Variants in RNFT2 observed in about 807,000 individuals in gnomAD.
RNFT2 encodes the protein ring finger protein, transmembrane 2, also known as E3 ubiquitin-protein ligase RNFT2.
RNFT2 carries 36 observed loss-of-function variants against 53.0 expected under a neutral mutation model. That is an observed-to-expected ratio of 0.68 (90% CI 0.52 to 0.90). RNFT2 has a LOEUF of 0.90. RNFT2 is among the 40% of genes least tolerant of loss of function. RNFT2 has a pLI of 0.00. For synonymous variants in RNFT2, 260 were observed against 253.2 expected, an observed-to-expected ratio of 1.03 and a Z score of -0.26; for missense variants, 514 against 585.6, an observed-to-expected ratio of 0.88 and a Z score of 1.26.
chr12:116,838,465 A>T (rs977338747), intron 10 of RNFT2, among the ~76,000 whole-genome samples: 1 of 152,204 alleles, frequency 6.6e-6, no homozygotes, highest in African/African-American at 2.4e-5. Flanking sequence ...AGTTATTGCT[A>T]AACTGCCCTC....
intron 10 of RNFT2, among the ~76,000 whole-genome samples, chr12:116,841,950 TATATATATAG>T (rs1877351939): frequency 2.3e-4 from 5 of 22,022 alleles, no homozygotes; most frequent in South Asian, 1.4e-3. Flanking sequence ...TATATATAAA[TATATATATAG>T]AGAGAGAGAG....
At chr12:116,825,238 C>G (rs1384658056) in intron 7 of RNFT2, among the ~76,000 whole-genome samples, 1 of 152,190 alleles carries the variant, frequency 6.6e-6, no homozygotes, top group Non-Finnish European at 1.5e-5. Context: ...CTCCTTATAG[C>G]TTGGGCTTCC....
intron 8 of RNFT2, 67 bp from the exon 9 acceptor site, chr12:116,835,893 G>C: frequency 6.4e-7 from 1 of 1,551,632 alleles, no homozygotes; most frequent in Non-Finnish European, 8.9e-7. Flanking sequence ...GATGGGGTGG[G>C]GTGATTGTGC....
intron 5 of RNFT2, among the ~76,000 whole-genome samples, chr12:116,762,064 CAA>C (rs796440574): frequency 0.069 from 8,354 of 121,540 alleles, 634 homozygotes; most frequent in African/African-American, 0.22. Flanking sequence ...GAGACTGTCT[CAA>C]AAAAAAAAAA....
intron 7 of RNFT2, among the ~76,000 whole-genome samples, chr12:116,815,787 A>G (rs1163460376): frequency 6.6e-6 from 1 of 152,094 alleles, no homozygotes; most frequent in African/African-American, 2.4e-5. Context: ...AGCCTTCCAT[A>G]TCCCCTACTT....
intron 7 of RNFT2, among the ~76,000 whole-genome samples, chr12:116,829,197 T>C (rs571908930): frequency 6.6e-6 from 1 of 152,116 alleles, no homozygotes; most frequent in Non-Finnish European, 1.5e-5. Flanking sequence ...TCTGCAGATC[T>C]TGGGGTCTGC....
intron 7 of RNFT2, among the ~76,000 whole-genome samples, chr12:116,809,221 T>C (rs550293067): frequency 3.4e-5 from 5 of 149,054 alleles, no homozygotes; most frequent in South Asian, 4.2e-4. Flanking sequence ...ATTCATTCAT[T>C]CATCACCTGG....
chr12:116,827,025 G>A (rs1876371199), intron 7 of RNFT2, among the ~76,000 whole-genome samples: 1 of 152,046 alleles, frequency 6.6e-6, no homozygotes, highest in Non-Finnish European at 1.5e-5. Context: ...TTCGAGACCA[G>A]CCTGGGCAAC....
At chr12:116,747,945 C>G (rs533055746) in intron 3 of RNFT2, among the ~76,000 whole-genome samples, 1 of 152,096 alleles carries the variant, frequency 6.6e-6, no homozygotes. Flanking sequence ...AATCCCAGCA[C>G]TTTGGGAGGC....
chr12:116,783,906 A>G (rs1393648508), intron 7 of RNFT2, among the ~76,000 whole-genome samples: 1 of 152,242 alleles, frequency 6.6e-6, no homozygotes, highest in Non-Finnish European at 1.5e-5. Context: ...TTAACCGTGT[A>G]CTGGCCACTG....
At chr12:116,758,858 T>C (rs866629098) in intron 5 of RNFT2, among the ~76,000 whole-genome samples, 7 of 152,250 alleles carry the variant, frequency 4.6e-5, no homozygotes, top group Admixed American at 2.6e-4. Flanking sequence ...CTTTTTGCGA[T>C]GAATTTCCCG....
At chr12:116,763,607 A>C (rs1872777800) in intron 5 of RNFT2, among the ~76,000 whole-genome samples, 1 of 58,792 alleles carries the variant, frequency 1.7e-5, no homozygotes, top group Admixed American at 2.5e-4. Context: ...TCTCAGTTAA[A>C]AAAAAAAATA....
At chr12:116,769,959 C>T (rs527891492) in intron 6 of RNFT2, among the ~76,000 whole-genome samples, 11 of 152,078 alleles carry the variant, frequency 7.2e-5, no homozygotes, top group Non-Finnish European at 1.3e-4. Flanking sequence ...CATTTGAACC[C>T]GGGAGGCAGA....
intron 7 of RNFT2, among the ~76,000 whole-genome samples, chr12:116,823,687 A>T (rs192344506): frequency 1.7e-3 from 254 of 152,308 alleles, no homozygotes; most frequent in Middle Eastern, 3.4e-3. Context: ...TGTCTAAAAA[A>T]AATAATAATA....
intron 4 of RNFT2, among the ~76,000 whole-genome samples, chr12:116,750,998 C>T (rs1872227202): frequency 1.3e-5 from 2 of 148,838 alleles, no homozygotes; most frequent in Non-Finnish European, 3.0e-5. Context: ...CTTACTGCAA[C>T]TTTTGCCTCC....
intron 7 of RNFT2, among the ~76,000 whole-genome samples, chr12:116,809,132 G>T (rs932223848): frequency 1.3e-5 from 2 of 152,172 alleles, no homozygotes; most frequent in East Asian, 3.9e-4. Flanking sequence ...GCCATCCAGT[G>T]CCCTCCCCCA....
intron 7 of RNFT2, among the ~76,000 whole-genome samples, chr12:116,814,350 A>T (rs928107803): frequency 2.0e-5 from 3 of 152,152 alleles, no homozygotes; most frequent in African/African-American, 7.2e-5. Flanking sequence ...TGTCAGATGG[A>T]GATCAAACAG....
intron 7 of RNFT2, among the ~76,000 whole-genome samples, chr12:116,790,092 G>A (rs182977375): frequency 2.4e-4 from 36 of 152,252 alleles, no homozygotes; most frequent in Non-Finnish European, 4.1e-4. Flanking sequence ...TATTTGGTAG[G>A]TGTCAAAACA....
At chr12:116,750,366 C>A in intron 4 of RNFT2, 59 bp downstream of exon 4, 1 of 1,496,460 alleles carries the variant, frequency 6.7e-7, no homozygotes, top group Non-Finnish European at 9.0e-7. Context: ...CTGCCTGCAG[C>A]CGGTGGGGTG....
Sources: gnomAD v4.1 joint callset for allele counts (sites outside exome capture counted in the v4.1 genomes callset) on GRCh38, gnomAD v4.1.1 for gene constraint, MANE v1.5 for transcripts, NCBI Gene and HGNC (gene_info 2026-07-23, HGNC 2026-07-21) for gene names.